The following SLC35D4 variants were observed in gnomAD, a reference collection of about 807,000 sequenced individuals.
The protein encoded by SLC35D4 is solute carrier family 35 member D4.
At chr18:23,291,785 C>G in the SLC35D4 span, among the ~76,000 whole-genome samples, 8 of 152,302 alleles carry the variant, frequency 5.3e-5, no homozygotes, top group African/African-American at 1.9e-4. Flanking sequence ...AGAGCCAGCC[C>G]AGACCCAAGA....
chr18:23,365,779 T>G, the SLC35D4 span: 1 of 1,182,228 alleles, frequency 8.5e-7, no homozygotes, highest in East Asian at 2.5e-5. Flanking sequence ...GCAAATTATC[T>G]GCACTGACTC....
the SLC35D4 span, among the ~76,000 whole-genome samples, chr18:23,252,148 G>A: frequency 6.6e-6 from 1 of 152,064 alleles, no homozygotes; most frequent in African/African-American, 2.4e-5. Context: ...ACAAATAGAC[G>A]ATTCCACTTA....
the SLC35D4 span, among the ~76,000 whole-genome samples, chr18:23,317,154 T>TAC: frequency 0.17 from 25,818 of 149,734 alleles, 3,201 homozygotes; most frequent in African/African-American, 0.34. Context: ...TGGGAGAAGT[T>TAC]ACACACACAC....
chr18:23,254,183 A>G, the SLC35D4 span, among the ~76,000 whole-genome samples: 4 of 152,208 alleles, frequency 2.6e-5, no homozygotes, highest in African/African-American at 4.8e-5. Context: ...ATTCTCAGAC[A>G]CCATGTGAGA....
At chr18:23,265,749 A>G in the SLC35D4 span, among the ~76,000 whole-genome samples, 1 of 152,070 alleles carries the variant, frequency 6.6e-6, no homozygotes, top group Non-Finnish European at 1.5e-5. Context: ...AAGATGACCA[A>G]AAAGAAATCT....
the SLC35D4 span, among the ~76,000 whole-genome samples, chr18:23,429,508 G>A: frequency 2.0e-5 from 3 of 152,148 alleles, no homozygotes; most frequent in South Asian, 6.2e-4. Context: ...CAAGTAGCTG[G>A]GATTACAGGA....
chr18:23,371,594 C>T, the SLC35D4 span: 3 of 654,450 alleles, frequency 4.6e-6, no homozygotes, highest in South Asian at 4.7e-5. Flanking sequence ...AACAGGACTC[C>T]TGGGGCCGTA....
the SLC35D4 span, among the ~76,000 whole-genome samples, chr18:23,343,191 G>C: frequency 2.0e-5 from 3 of 152,008 alleles, no homozygotes; most frequent in African/African-American, 7.2e-5. Flanking sequence ...CCAGAGTGCT[G>C]GGTTACAGGC....
chr18:23,344,604 T>C, the SLC35D4 span, among the ~76,000 whole-genome samples: 3 of 150,632 alleles, frequency 2.0e-5, no homozygotes, highest in Non-Finnish European at 3.0e-5. Context: ...TTTCTTCTTT[T>C]TTTTTTTTTT....
At chr18:23,399,587 C>A in the SLC35D4 span, 1 of 1,613,896 alleles carries the variant, frequency 6.2e-7, no homozygotes, top group Non-Finnish European at 8.5e-7. Flanking sequence ...ATGCTCTGGA[C>A]CCAGCATAGA....
At chr18:23,281,073 A>G in the SLC35D4 span, among the ~76,000 whole-genome samples, 2 of 152,204 alleles carry the variant, frequency 1.3e-5, no homozygotes, top group African/African-American at 4.8e-5. Flanking sequence ...TCTCCAGAAC[A>G]GGCCAATCCA....
chr18:23,373,774 G>A, the SLC35D4 span: 6 of 1,612,582 alleles, frequency 3.7e-6, no homozygotes, highest in South Asian at 2.2e-5. Flanking sequence ...CTGTGGAGAG[G>A]GAGATAAAAC....
At chr18:23,282,394 G>A in the SLC35D4 span, among the ~76,000 whole-genome samples, 10 of 152,216 alleles carry the variant, frequency 6.6e-5, no homozygotes, top group Non-Finnish European at 1.5e-4. Context: ...CTGCGAGTCC[G>A]GCCACTGAAA....
At chr18:23,292,593 A>T in the SLC35D4 span, among the ~76,000 whole-genome samples, 10 of 152,204 alleles carry the variant, frequency 6.6e-5, no homozygotes, top group African/African-American at 1.9e-4. Context: ...GAGAACTGAC[A>T]ACCCCTGTGA....
chr18:23,256,415 T>C, the SLC35D4 span, among the ~76,000 whole-genome samples: 8 of 152,232 alleles, frequency 5.3e-5, no homozygotes, highest in East Asian at 3.8e-4. Flanking sequence ...CTGAACTACA[T>C]AGAATCAGTG....
At chr18:23,302,854 T>C in the SLC35D4 span, among the ~76,000 whole-genome samples, 4 of 152,252 alleles carry the variant, frequency 2.6e-5, no homozygotes. Context: ...CAACTGCTGC[T>C]GTGTGCAAAT....
the SLC35D4 span, among the ~76,000 whole-genome samples, chr18:23,299,183 C>T: frequency 3.9e-5 from 6 of 152,328 alleles, no homozygotes; most frequent in South Asian, 6.2e-4. Flanking sequence ...ACGTTTTCAG[C>T]CTTAGTCTCT....
the SLC35D4 span, among the ~76,000 whole-genome samples, chr18:23,261,603 C>A: frequency 2.0e-5 from 3 of 152,106 alleles, no homozygotes; most frequent in Non-Finnish European, 4.4e-5. Flanking sequence ...GTGAAGGGAG[C>A]AAGACCCTGT....
At chr18:23,330,706 C>G in the SLC35D4 span, among the ~76,000 whole-genome samples, 1 of 152,186 alleles carries the variant, frequency 6.6e-6, no homozygotes, top group Admixed American at 6.5e-5. Context: ...TCCTGGCTCC[C>G]GTGACAACCT....
Sources: gnomAD v4.1 joint callset for allele counts (sites outside exome capture counted in the v4.1 genomes callset) on GRCh38, gnomAD v4.1.1 for gene constraint, MANE v1.5 for transcripts, NCBI Gene and HGNC (gene_info 2026-07-23, HGNC 2026-07-21) for gene names.